The following AKAP12 variants were observed in gnomAD, a reference collection of about 807,000 sequenced individuals.
The protein encoded by AKAP12 is A-kinase anchoring protein 12, also known as A-kinase anchor protein 12.
A neutral mutation model predicts 79.9 loss-of-function variants in AKAP12; 32 were observed. The ratio of observed to expected loss-of-function variants is 0.40; its 90% CI spans 0.30 to 0.54. AKAP12 has a LOEUF of 0.54. Among genes scored for constraint, AKAP12 ranks in the 20% least tolerant of loss-of-function variants. AKAP12 has a pLI of 0.48. For missense variants in AKAP12, 2,074 were observed against 2,177.0 expected, an observed-to-expected ratio of 0.95 and a Z score of 0.94; for synonymous variants, 808 against 857.0, an observed-to-expected ratio of 0.94 and a Z score of 1.00.
At chr6:151,247,272 G>T (rs1196144523) in intron 2 of AKAP12, among the ~76,000 whole-genome samples, 1 of 152,022 alleles carries the variant, frequency 6.6e-6, no homozygotes, top group Non-Finnish European at 1.5e-5. Context: ...GCGGTGACGT[G>T]TACCTGTAGT....
rs1360620104 is a variant in AKAP12 at position 151,352,298 on chromosome 6, G to A, written c.3907G>A (p.Ala1303Thr). ...CAGTCGGGAAAAGGTCACTGAAGTT[G>A]CCCTTAAAGGTGAAGGGACAGAAGA... ...TVSREKVTEV[A>T]LKGEGTEEAE... The change falls in exon 4 of 5, where the codon GCC (alanine) becomes ACC (threonine). Residue 1303 changes from alanine (A) to threonine (T), a missense_variant. Physicochemically the swap from Ala to Thr is moderately conservative, Grantham distance 58. Around this residue, in one of 3 missense-constraint regions of AKAP12, gnomAD observed 614 missense variants for 665.6 expected, o/e 0.92. Coordinates refer to ENST00000402676, the MANE Select transcript of AKAP12 (RefSeq NM_005100.4). 1.2e-6 allele frequency: 2 copies of A among 1,614,206 alleles called. No individual in the cohort carries two copies. Among genetic ancestry groups the A allele is most frequent in the South Asian group, 2.2e-5 (2 of 91,080 alleles).
intron 3 of AKAP12, chr6:151,341,694 G>T (rs1481501079): frequency 2.4e-6 from 3 of 1,241,566 alleles, no homozygotes; most frequent in Non-Finnish European, 3.1e-6. Flanking sequence ...GCAGTGAGTA[G>T]CACGTGCACC....
At chr6:151,246,137 G>C (rs945764470) in intron 2 of AKAP12, among the ~76,000 whole-genome samples, 2 of 152,136 alleles carry the variant, frequency 1.3e-5, no homozygotes. Context: ...AATTTAACCC[G>C]GCAAGGTGCG....
chr6:151,333,420 T>TG lies in AKAP12; in HGVS notation c.320-15291_320-15290insG, dbSNP rs754533051. Among the ~76,000 whole-genome samples the TG allele has an allele frequency of 1.2e-4, 18 of 152,274 alleles. No individual in the cohort carries two copies. In the South Asian group the frequency reaches 1.9e-3, roughly 16 times the overall value. On this transcript the variant is annotated intron_variant, in intron 3 of 4. Transcript: ENST00000402676. The stretch of plus-strand genomic sequence containing the variant: ...GCTGTGTTCACTAAGCTACAGTCTT[T>TG]AACTCATTCACAACCAGCATGCAGG...
chr6:151,288,207 G>A (rs995611084), intron 2 of AKAP12, among the ~76,000 whole-genome samples: 4 of 133,918 alleles, frequency 3.0e-5, no homozygotes, highest in East Asian at 2.0e-4. Flanking sequence ...AGAACTTAAA[G>A]TATTTAAAAA....
chr6:151,311,780 C>T (rs1244065302), intron 3 of AKAP12, among the ~76,000 whole-genome samples: 3 of 152,102 alleles, frequency 2.0e-5, no homozygotes, highest in African/African-American at 7.2e-5. Context: ...ACAGAAAGGC[C>T]GAAAGATTAC....
Position 151,356,299 on chromosome 6 carries a change from A to C in AKAP12, c.*585A>C, listed in dbSNP as rs1452993243. On this transcript the variant is annotated 3_prime_UTR_variant, in exon 5 of 5. Transcript: ENST00000402676. ...TAAAATTCACTAATGATTGAGGTCC[A>C]TATTTAGTGGTACTCTGAAATTGGT... The C allele has an allele frequency of 6.6e-6, 1 of 152,662 alleles. No homozygotes were observed. The highest frequency in any genetic ancestry group is 1.5e-5 in the Non-Finnish European group (1 of 68,052). The allele number at this position is 152,662 out of a possible 1,614,324, so 9.5% of individuals were successfully genotyped here.
chr6:151,345,932 T>TGTGAGAGAGAGAGAGAGAGAGAGA (rs1349850485), intron 3 of AKAP12, among the ~76,000 whole-genome samples: 12 of 101,370 alleles, frequency 1.2e-4, no homozygotes, highest in African/African-American at 4.4e-4. Flanking sequence ...TGTGTGTGTG[T>TGTGAGAGAGAGAGAGAGAGAGAGA]GAGAGAGAGA....
rs754484652 is a variant in AKAP12 at position 151,352,737 on chromosome 6, C to T, written c.4346C>T (p.Ala1449Val). 2 of 1,614,180 alleles carry T rather than the reference C, an allele frequency of 1.2e-6. No individual in the cohort carries two copies. The highest frequency in any genetic ancestry group is 1.7e-6 in the Non-Finnish European group (2 of 1,180,038). The change falls in exon 4 of 5, where the codon GCA (alanine) becomes GTA (valine). Residue 1449 changes from alanine (A) to valine (V), a missense_variant. Ala to Val is a moderately conservative substitution (Grantham distance 64). Coordinates refer to ENST00000402676, the MANE Select transcript of AKAP12 (RefSeq NM_005100.4). ...ETGETLEPAG[A>V]HLVLEEKSSE... ...GGTGAAACGTTGGAGCCTGCAGGTGCACATTTAGTTCTGGAAGAGAAATCC... is the reference window on the plus strand; with the variant it reads ...GGTGAAACGTTGGAGCCTGCAGGTGTACATTTAGTTCTGGAAGAGAAATCC...
At chr6:151,306,961 G>A (rs1404942087) in intron 3 of AKAP12, among the ~76,000 whole-genome samples, 1 of 152,196 alleles carries the variant, frequency 6.6e-6, no homozygotes, top group Non-Finnish European at 1.5e-5. Flanking sequence ...TTTGAATCAA[G>A]TCAAGCACCA....
In AKAP12 at chr6:151,352,507, G is replaced by A. The variant is rs779935938; in HGVS notation, c.4116G>A (p.Lys1372=). 6 of 1,614,068 alleles carry A rather than the reference G, an allele frequency of 3.7e-6. No individual in the cohort carries two copies. The highest frequency in any genetic ancestry group is 1.1e-5 in the South Asian group (1 of 91,086). Residue 1372 remains lysine (K), a synonymous_variant, in exon 4 of 5, where the codon AAG becomes AAA. Transcript: ENST00000402676. ...TTACCGTATCTGAAGAGGTCAGTAAGCAGCTCCTCCAGACAGTGAATGTGC... is the reference window on the plus strand; with the variant it reads ...TTACCGTATCTGAAGAGGTCAGTAAACAGCTCCTCCAGACAGTGAATGTGC... ...TAVTVSEEVS[K]QLLQTVNVPI... is the part of the protein sequence containing the mutation.
At chr6:151,276,737 G>T (rs1337654645) in intron 2 of AKAP12, among the ~76,000 whole-genome samples, 1 of 152,182 alleles carries the variant, frequency 6.6e-6, no homozygotes, top group Non-Finnish European at 1.5e-5. Flanking sequence ...TTATTTATTT[G>T]CCTGTTCCCC....
chr6:151,311,468 G>A (rs1040906121), intron 3 of AKAP12, among the ~76,000 whole-genome samples: 26 of 152,276 alleles, frequency 1.7e-4, no homozygotes, highest in Non-Finnish European at 2.9e-4. Flanking sequence ...GCGGCTCCCG[G>A]TGTGTGCACG....
chr6:151,289,085 G>C (rs1209476596), intron 2 of AKAP12, among the ~76,000 whole-genome samples: 1 of 152,142 alleles, frequency 6.6e-6, no homozygotes, highest in East Asian at 1.9e-4. Context: ...GTTTTTAGTA[G>C]ATATTGCTGG....
chr6:151,350,741 A>G lies in AKAP12; in HGVS notation c.2350A>G (p.Ile784Val), dbSNP rs1306980768. Residue 784 changes from isoleucine to valine, a missense_variant, in exon 4 of 5, where the codon ATA becomes GTA. Physicochemically the swap from Ile to Val is conservative, Grantham distance 29. Coordinates refer to ENST00000402676, the MANE Select transcript of AKAP12 (RefSeq NM_005100.4). The surrounding 1 kb of genome is among the most constrained non-coding windows in gnomAD (Gnocchi z 4.8). ...GCTGGAAGAGAAAAGCGAAGACTCC[A>G]TAGCTGGGTCTGGTGTAGAACATTC... The part of the protein sequence containing the change: ...SKLEEKSEDS[I>V]AGSGVEHSTP... 1.2e-5 allele frequency: 19 copies of G among 1,614,016 alleles called. No homozygotes were observed. Among genetic ancestry groups the G allele is most frequent in the Non-Finnish European group, 1.5e-5 (18 of 1,180,032 alleles).
rs1367123473 is a variant in AKAP12, at chr6:151,353,004, G to C, written c.4613G>C (p.Gly1538Ala). The change falls in exon 4 of 5, where the codon GGG becomes GCG. Residue 1538 changes from glycine to alanine, a missense_variant. Gly to Ala is a moderately conservative substitution (Grantham distance 60, BLOSUM62 0). Around this residue, in one of 3 missense-constraint regions of AKAP12, gnomAD observed 614 missense variants for 665.6 expected, o/e 0.92. Transcript: ENST00000402676. Reference protein sequence around the residue: ...VAIEDLEPENGILELETKSSK... With the variant: ...VAIEDLEPENAILELETKSSK... Reference sequence around the variant, plus strand: ...ATTGAGGATTTAGAGCCTGAAAATGGGATTTTGGAACTTGAGACCAAAAGC... The same window carrying C: ...ATTGAGGATTTAGAGCCTGAAAATGCGATTTTGGAACTTGAGACCAAAAGC... 6.2e-7 allele frequency: 1 copy of C among 1,614,076 alleles called. No individual in the cohort carries two copies. Among genetic ancestry groups the C allele is most frequent in the Non-Finnish European group, 8.5e-7 (1 of 1,180,030 alleles).
At chr6:151,341,549 G>A (rs944784366) in intron 3 of AKAP12, 21 of 314,272 alleles carry the variant, frequency 6.7e-5, no homozygotes, top group Admixed American at 4.7e-4. Context: ...CTTTTGTGAT[G>A]TTCGCGGCTG....
chr6:151,326,325 C>CA (rs1403893762), intron 3 of AKAP12, among the ~76,000 whole-genome samples: 1 of 152,066 alleles, frequency 6.6e-6, no homozygotes, highest in Non-Finnish European at 1.5e-5. Context: ...GGGCAAATTA[C>CA]AAGTGTTTGC....
rs1778430092 is a variant in AKAP12, at chr6:151,355,965, A to C, written c.*251A>C. ...ACAATTTTCCCTTGATAACCATATA[A>C]ATTCTGATTTAAGGTCCTAAATTCT... On this transcript the variant is annotated 3_prime_UTR_variant, in exon 5 of 5. Transcript: ENST00000402676. 6.6e-6 allele frequency: 1 copy of C among 152,586 alleles called. No homozygotes were observed. The highest frequency in any genetic ancestry group is 6.5e-5 in the Admixed American group (1 of 15,278). 9.5% of individuals were successfully genotyped at this position (152,586 alleles called of 1,614,324 possible). A position where few individuals can be genotyped will look rare whatever the true frequency, so the allele number is the denominator to read the frequency against.
Sources: gnomAD v4.1 joint callset for allele counts (sites outside exome capture counted in the v4.1 genomes callset) on GRCh38, gnomAD v4.1.1 for gene constraint, gnomAD v4.1.1 regional missense constraint, Gnocchi (gnomAD v3.1) non-coding constraint, MANE v1.5 for transcripts, NCBI Gene and HGNC (gene_info 2026-07-23, HGNC 2026-07-21) for gene names.